DPYD: variants seen among roughly 807,000 people sequenced by gnomAD.
The protein encoded by DPYD is dihydropyrimidine dehydrogenase, also known as dihydropyrimidine dehydrogenase [NADP(+)].
DPYD carries 109 observed loss-of-function variants against 116.2 expected under a neutral mutation model. The observed-to-expected ratio is 0.94, with a 90% CI of 0.80 to 1.10. The LOEUF is 1.10. Among genes scored for constraint, DPYD ranks in the 50% least tolerant of loss-of-function variants. The pLI is 0.00. For synonymous variants in DPYD, 440 were observed against 432.0 expected (o/e 1.02, Z -0.23); for missense variants, 1,302 against 1,254.5 (o/e 1.04, Z -0.57).
intron 13 of DPYD, among the ~76,000 whole-genome samples, chr1:97,484,314 A>T (rs1020204923): frequency 2.0e-5 from 3 of 152,136 alleles, no homozygotes; most frequent in African/African-American, 7.2e-5. Context: ...AAAAACAAAA[A>T]CAAAAACAAA....
intron 3 of DPYD, among the ~76,000 whole-genome samples, chr1:97,781,991 G>A (rs780836486): frequency 1.3e-5 from 2 of 152,144 alleles, no homozygotes; most frequent in African/African-American, 2.4e-5. Flanking sequence ...TCACTTTAGC[G>A]TCAGGCCTGT....
chr1:97,240,209 G>A (rs1662237451), intron 18 of DPYD, among the ~76,000 whole-genome samples: 1 of 151,370 alleles, frequency 6.6e-6, no homozygotes. Context: ...AGGAAAAAAA[G>A]CCTCAAAAGG....
intron 10 of DPYD, among the ~76,000 whole-genome samples, chr1:97,584,952 T>TAATAAC: frequency 6.7e-6 from 1 of 148,926 alleles, no homozygotes; most frequent in Admixed American, 6.7e-5. Flanking sequence ...AGTATAATAA[T>TAATAAC]AATAATAATA....
chr1:97,165,816 A>C (rs1242804894), intron 20 of DPYD, among the ~76,000 whole-genome samples: 1 of 152,176 alleles, frequency 6.6e-6, no homozygotes, highest in Non-Finnish European at 1.5e-5. Context: ...AGTATATGAA[A>C]ACAAAGCTCA....
chr1:97,450,417 A>G (rs1453211374), intron 13 of DPYD, among the ~76,000 whole-genome samples, 194 bp from the exon 14 acceptor site: 1 of 152,180 alleles, frequency 6.6e-6, no homozygotes, highest in Admixed American at 6.5e-5. Flanking sequence ...AGTATTTGTT[A>G]GCTTTAGCTA....
intron 2 of DPYD, among the ~76,000 whole-genome samples, chr1:97,862,519 C>G (rs1325160511): frequency 6.6e-6 from 1 of 151,896 alleles, no homozygotes; most frequent in East Asian, 1.9e-4. Context: ...CCTGACCAGT[C>G]AACAACTCTT....
chr1:97,772,855 C>A (rs1375550261), intron 3 of DPYD, among the ~76,000 whole-genome samples: 1 of 152,124 alleles, frequency 6.6e-6, no homozygotes, highest in East Asian at 1.9e-4. Flanking sequence ...AGAAATATTT[C>A]TTCTAATAAA....
chr1:97,608,139 A>C lies in DPYD; in HGVS notation c.851-12973T>G, dbSNP rs1655719273. ...GAATTGGCCAGAAGGAGAATACATC[A>C]CATGAAATCCCAGGAATCAGTACAA... On this transcript the variant is annotated intron_variant, in intron 8 of 22. Transcript: ENST00000370192. Among the ~76,000 whole-genome samples the C allele has an allele frequency of 2.6e-5, 4 of 151,954 alleles. No individual in the cohort carries two copies. In the South Asian group the frequency reaches 8.3e-4, roughly 31 times the overall value.
chr1:97,521,997 G>C (rs1449836909), intron 12 of DPYD, among the ~76,000 whole-genome samples: 1 of 152,028 alleles, frequency 6.6e-6, no homozygotes, highest in Non-Finnish European at 1.5e-5. Flanking sequence ...CATAGGCATG[G>C]GCAGACTTCA....
At chr1:97,216,098 A>G (rs769266424) in intron 19 of DPYD, among the ~76,000 whole-genome samples, 2 of 152,072 alleles carry the variant, frequency 1.3e-5, no homozygotes, top group Non-Finnish European at 2.9e-5. Context: ...TTTTCTTTCA[A>G]CTGGAATTTT....
intron 20 of DPYD, among the ~76,000 whole-genome samples, chr1:97,125,176 AAAG>A (rs1652743206): frequency 6.6e-6 from 1 of 152,126 alleles, no homozygotes; most frequent in Admixed American, 6.6e-5. Context: ...GATTTTCAGA[AAAG>A]AAGAAATATT....
chr1:97,870,989 A>C (rs1452977624), intron 2 of DPYD, among the ~76,000 whole-genome samples: 1 of 151,894 alleles, frequency 6.6e-6, no homozygotes, highest in African/African-American at 2.4e-5. Flanking sequence ...TGCTATGAGC[A>C]CCAAATAAAT....
chr1:97,546,271 C>CT (rs1650851524), intron 12 of DPYD: 2 of 1,460,340 alleles, frequency 1.4e-6, no homozygotes, highest in Non-Finnish European at 9.4e-7. Context: ...AAAAAGAAAC[C>CT]TTTAAAAAAA....
At chr1:97,824,646 C>A (rs1301547439) in intron 3 of DPYD, among the ~76,000 whole-genome samples, 1 of 152,116 alleles carries the variant, frequency 6.6e-6, no homozygotes, top group Non-Finnish European at 1.5e-5. Context: ...TCTCTAAGAG[C>A]CACAGAAAAA....
At chr1:97,154,940 C>T (rs918761446) in intron 20 of DPYD, among the ~76,000 whole-genome samples, 2 of 152,042 alleles carry the variant, frequency 1.3e-5, no homozygotes, top group South Asian at 2.1e-4. Context: ...AACAAAAACA[C>T]GTGTCTAGGT....
chr1:97,173,389 CAT>C (rs1352701478), intron 20 of DPYD, among the ~76,000 whole-genome samples: 12 of 132,104 alleles, frequency 9.1e-5, no homozygotes, highest in East Asian at 2.5e-4. Flanking sequence ...TATATACGTA[CAT>C]ATATGTGTGT....
chr1:97,303,315 C>T (rs1017542111), intron 18 of DPYD, among the ~76,000 whole-genome samples: 1 of 151,960 alleles, frequency 6.6e-6, no homozygotes, highest in African/African-American at 2.4e-5. Context: ...CATTGCCATG[C>T]TCTGAGACAA....
chr1:97,432,424 T>C (rs142357258), intron 14 of DPYD, among the ~76,000 whole-genome samples: 11 of 152,288 alleles, frequency 7.2e-5, no homozygotes, highest in Admixed American at 3.3e-4. Flanking sequence ...CTTCTTTTAT[T>C]TCTCTTTGGA....
chr1:97,795,382 T>C (rs1667513948), intron 3 of DPYD, among the ~76,000 whole-genome samples: 1 of 152,070 alleles, frequency 6.6e-6, no homozygotes, highest in Non-Finnish European at 1.5e-5. Flanking sequence ...GTATAATTTA[T>C]AGTGTTAGAA....
Sources: allele counts gnomAD v4.1 joint callset (sites outside exome capture counted in the v4.1 genomes callset), GRCh38; gene constraint gnomAD v4.1.1; transcripts MANE v1.5; gene names NCBI Gene and HGNC (gene_info 2026-07-23, HGNC 2026-07-21).